Variants in UNC13C observed in about 807,000 individuals in gnomAD.
UNC13C encodes unc-13 homolog C.
In UNC13C, 174 loss-of-function variants were observed where a neutral mutation model predicts 245.4. The ratio of observed to expected loss-of-function variants is 0.71; its 90% CI spans 0.63 to 0.80. UNC13C has a LOEUF of 0.80. Among genes scored for constraint, UNC13C ranks in the 30% least tolerant of loss-of-function variants. UNC13C has a pLI of 0.00. For missense variants in UNC13C, 2,829 were observed against 2,602.9 expected, an observed-to-expected ratio of 1.09 and a Z score of -1.89; for synonymous variants, 992 against 895.1, an observed-to-expected ratio of 1.11 and a Z score of -1.93.
intron 2 of UNC13C, among the ~76,000 whole-genome samples, chr15:54,091,335 T>A (rs1382773030): frequency 6.6e-6 from 1 of 152,194 alleles, no homozygotes; most frequent in Non-Finnish European, 1.5e-5. Flanking sequence ...GAGCTTCAAT[T>A]CCATTCTTTT....
At chr15:54,422,056 C>T (rs1303447649) in intron 19 of UNC13C, among the ~76,000 whole-genome samples, 2 of 151,984 alleles carry the variant, frequency 1.3e-5, no homozygotes, top group African/African-American at 2.4e-5. Context: ...TAAAGTAAAC[C>T]TAGAAGTACA....
At chr15:54,414,852 G>A (rs2040487074) in intron 18 of UNC13C, 130 bp from the exon 19 acceptor site, 2 of 517,998 alleles carry the variant, frequency 3.9e-6, no homozygotes, top group Non-Finnish European at 6.6e-6. Flanking sequence ...AGTTCATAAA[G>A]AGAAATGTCA....
At chr15:54,261,839 G>A (rs751737429) in intron 8 of UNC13C, among the ~76,000 whole-genome samples, 4 of 152,042 alleles carry the variant, frequency 2.6e-5, no homozygotes, top group Non-Finnish European at 5.9e-5. Flanking sequence ...CACCGCGCCC[G>A]GCCATAAGTA....
At chr15:54,274,192 T>C (rs897199577) in intron 10 of UNC13C, among the ~76,000 whole-genome samples, 1 of 152,102 alleles carries the variant, frequency 6.6e-6, no homozygotes, top group African/African-American at 2.4e-5. Flanking sequence ...CCAACTTGAC[T>C]TGACAATAGG....
intron 2 of UNC13C, among the ~76,000 whole-genome samples, chr15:54,099,007 A>G (rs1900026941): frequency 6.6e-6 from 1 of 152,180 alleles, no homozygotes; most frequent in East Asian, 1.9e-4. Context: ...TGCCTTATGT[A>G]TTTTATCTAC....
chr15:54,272,796 A>C (rs2036721446), intron 10 of UNC13C, among the ~76,000 whole-genome samples: 1 of 152,178 alleles, frequency 6.6e-6, no homozygotes, highest in Admixed American at 6.5e-5. Context: ...CTAGAATCTA[A>C]GGGTTTTATA....
the UNC13C span, among the ~76,000 whole-genome samples, chr15:53,932,187 T>C: frequency 1.3e-5 from 2 of 152,190 alleles, no homozygotes; most frequent in African/African-American, 4.8e-5. Flanking sequence ...CACGTGCCTG[T>C]AGTCCCAGGT....
chr15:54,054,388 C>G (rs959523720), intron 2 of UNC13C, among the ~76,000 whole-genome samples: 1 of 152,176 alleles, frequency 6.6e-6, no homozygotes, highest in African/African-American at 2.4e-5. Context: ...TCTATGCATC[C>G]TGCTATCATA....
At chr15:54,359,052 T>C (rs2039166232) in intron 17 of UNC13C, among the ~76,000 whole-genome samples, 1 of 152,048 alleles carries the variant, frequency 6.6e-6, no homozygotes, top group African/African-American at 2.4e-5. Flanking sequence ...TAGAATTTTT[T>C]TTCTGTGTCT....
chr15:54,467,162 A>G (rs1185562162), intron 19 of UNC13C, among the ~76,000 whole-genome samples: 1 of 151,882 alleles, frequency 6.6e-6, no homozygotes, highest in African/African-American at 2.4e-5. Context: ...AACAAGATAG[A>G]CATGGTTCCT....
intron 7 of UNC13C, among the ~76,000 whole-genome samples, chr15:54,249,280 T>C (rs1380253189): frequency 6.6e-6 from 1 of 152,122 alleles, no homozygotes; most frequent in African/African-American, 2.4e-5. Flanking sequence ...TAAGTGCTTA[T>C]TTGGTGTTTT....
chr15:53,961,660 A>C, the UNC13C span, among the ~76,000 whole-genome samples: 2 of 152,238 alleles, frequency 1.3e-5, no homozygotes, highest in African/African-American at 4.8e-5. Flanking sequence ...AAATTGGTTA[A>C]TATATGTCCA....
intron 19 of UNC13C, among the ~76,000 whole-genome samples, chr15:54,418,074 A>G (rs1464477539): frequency 6.6e-6 from 1 of 152,002 alleles, no homozygotes; most frequent in Non-Finnish European, 1.5e-5. Context: ...AGTCCCTTCT[A>G]TATTGAAGTA....
chr15:54,602,291 A>G (rs896947177), intron 30 of UNC13C, among the ~76,000 whole-genome samples: 1 of 152,152 alleles, frequency 6.6e-6, no homozygotes, highest in Non-Finnish European at 1.5e-5. Context: ...AACTAACACA[A>G]TTGTTTCTAA....
At chr15:54,475,522 T>C (rs1003049563) in intron 19 of UNC13C, among the ~76,000 whole-genome samples, 16 of 151,754 alleles carry the variant, frequency 1.1e-4, no homozygotes, top group African/African-American at 3.1e-4. Flanking sequence ...GTGTTCTCAT[T>C]GTTCAATTCC....
chr15:54,150,775 A>C (rs937277396), intron 4 of UNC13C, among the ~76,000 whole-genome samples: 1 of 152,200 alleles, frequency 6.6e-6, no homozygotes, highest in Non-Finnish European at 1.5e-5. Flanking sequence ...CCCCAGACCC[A>C]TTTAGTGGGA....
intron 19 of UNC13C, among the ~76,000 whole-genome samples, chr15:54,460,752 T>TG (rs1474678745): frequency 6.6e-6 from 1 of 152,184 alleles, no homozygotes; most frequent in African/African-American, 2.4e-5. Context: ...TCGGTTTTTC[T>TG]GGTATGTTCT....
At chr15:54,485,733 G>T (rs745990559) in intron 19 of UNC13C, among the ~76,000 whole-genome samples, 1 of 152,150 alleles carries the variant, frequency 6.6e-6, no homozygotes, top group Non-Finnish European at 1.5e-5. Flanking sequence ...AACTCACTTT[G>T]CTTCAGTCAC....
chr15:54,095,398 G>T (rs975424518), intron 2 of UNC13C, among the ~76,000 whole-genome samples: 3 of 152,104 alleles, frequency 2.0e-5, no homozygotes, highest in African/African-American at 7.2e-5. Flanking sequence ...ATCCTTCTTG[G>T]TTACTCCAAC....
Sources: gnomAD v4.1 joint callset for allele counts (sites outside exome capture counted in the v4.1 genomes callset) on GRCh38, gnomAD v4.1.1 for gene constraint, MANE v1.5 for transcripts, NCBI Gene and HGNC (gene_info 2026-07-23, HGNC 2026-07-21) for gene names.